The following CPNE4 variants were observed in gnomAD, a reference collection of about 807,000 sequenced individuals.
CPNE4 encodes copine 4.
CPNE4 carries 25 observed loss-of-function variants against 67.9 expected under a neutral mutation model. The ratio of observed to expected loss-of-function variants is 0.37; its 90% CI spans 0.27 to 0.51. The LOEUF (loss-of-function observed/expected upper bound fraction) is 0.51. Among genes scored for constraint, CPNE4 ranks in the 20% least tolerant of loss-of-function variants. The pLI is 0.93. For synonymous variants in CPNE4, 242 were observed against 244.9 expected (o/e 0.99, Z 0.11); for missense variants, 464 against 690.8 (o/e 0.67, Z 3.68).
At chr3:131,685,141 A>T (rs1265889863) in intron 6 of CPNE4, among the ~76,000 whole-genome samples, 2 of 152,034 alleles carry the variant, frequency 1.3e-5, no homozygotes, top group Non-Finnish European at 2.9e-5. Context: ...AAGTTACTTA[A>T]CCTCCTTAAA....
chr3:131,601,815 G>C (rs1939222877), intron 7 of CPNE4, among the ~76,000 whole-genome samples: 1 of 152,082 alleles, frequency 6.6e-6, no homozygotes, highest in African/African-American at 2.4e-5. Context: ...TTCTCTATAG[G>C]ACTCGTGCTA....
intron 1 of CPNE4, among the ~76,000 whole-genome samples, chr3:131,914,839 G>A (rs2107796251): frequency 6.6e-6 from 1 of 152,248 alleles, no homozygotes; most frequent in Admixed American, 6.5e-5. Context: ...AGCTGGGTGT[G>A]GTGGTGCATG....
chr3:131,660,991 G>A (rs1007027961), intron 7 of CPNE4, among the ~76,000 whole-genome samples: 3 of 152,188 alleles, frequency 2.0e-5, no homozygotes, highest in African/African-American at 7.2e-5. Context: ...AGATATGGAT[G>A]AGCCACAAGA....
chr3:131,887,582 C>G (rs1012839890), intron 2 of CPNE4, among the ~76,000 whole-genome samples: 3 of 152,114 alleles, frequency 2.0e-5, no homozygotes, highest in Admixed American at 1.3e-4. Context: ...TCTTCTTCTT[C>G]TCTATTATTT....
In CPNE4 at chr3:131,699,986, A is replaced by T; in HGVS notation, c.361-6T>A. On this transcript the variant is annotated splice_polypyrimidine_tract_variant and splice_region_variant and intron_variant, in intron 3 of 15. Transcript: ENST00000429747. ...AGCTTTCTCTGGGAAACAATCTGCAAAAAAGGAAACAAAAGGTAACAAAAG... is the reference window on the plus strand; with the variant it reads ...AGCTTTCTCTGGGAAACAATCTGCATAAAAGGAAACAAAAGGTAACAAAAG... 6.2e-7 allele frequency: 1 copy of T among 1,610,396 alleles called. No homozygotes were observed. Among genetic ancestry groups the T allele is most frequent in the Non-Finnish European group, 8.5e-7 (1 of 1,177,822 alleles).
intron 1 of CPNE4, among the ~76,000 whole-genome samples, chr3:131,951,643 G>A (rs557688066): frequency 6.6e-6 from 1 of 152,088 alleles, no homozygotes; most frequent in East Asian, 1.9e-4. Context: ...CTGCCATCTC[G>A]GCTCACTGCA....
intron 2 of CPNE4, among the ~76,000 whole-genome samples, chr3:131,832,075 G>A (rs2085393049): frequency 6.6e-6 from 1 of 152,068 alleles, no homozygotes; most frequent in Non-Finnish European, 1.5e-5. Context: ...ATTGTCAGGG[G>A]TTCAAAGTTC....
At position 131,615,929 on chromosome 3, in the gene CPNE4, G is replaced by GCGCA. The variant is rs1375643620; in HGVS notation, c.682-28348_682-28347insTGCG. Among the ~76,000 whole-genome samples the GCGCA allele has an allele frequency of 9.0e-5, 7 of 78,104 alleles. No individual in the cohort carries two copies. In the South Asian group the frequency reaches 2.0e-3, roughly 22 times the overall value. 51.2% of individuals were successfully genotyped at this position (78,104 alleles called of 152,430 possible). A position where few individuals can be genotyped will look rare whatever the true frequency, so the allele number is the denominator to read the frequency against. On this transcript the variant is annotated intron_variant, in intron 7 of 15. Transcript: ENST00000429747. Reference sequence around the variant, plus strand: ...CACACACACACACACACACACACACGCACACACACACACACACACACAAAA... The same window carrying GCGCA: ...CACACACACACACACACACACACACGCGCACACACACACACACACACACACAAAA...
At chr3:131,806,732 C>T (rs1194169870) in intron 2 of CPNE4, among the ~76,000 whole-genome samples, 1 of 152,136 alleles carries the variant, frequency 6.6e-6, no homozygotes, top group Non-Finnish European at 1.5e-5. Context: ...GCTATTCCCT[C>T]ATTTTCTTGC....
intron 1 of CPNE4, among the ~76,000 whole-genome samples, chr3:131,963,370 C>A (rs1302603495): frequency 6.6e-6 from 1 of 152,054 alleles, no homozygotes; most frequent in African/African-American, 2.4e-5. Flanking sequence ...CCAGTGGCAC[C>A]TGCAACCCCA....
intron 3 of CPNE4, among the ~76,000 whole-genome samples, chr3:131,712,105 T>C (rs2081572857): frequency 6.6e-6 from 1 of 151,754 alleles, no homozygotes; most frequent in Non-Finnish European, 1.5e-5. Flanking sequence ...TTAAAGTTCT[T>C]CCACATTTGT....
At chr3:131,788,198 G>A (rs1475570929) in intron 2 of CPNE4, among the ~76,000 whole-genome samples, 1 of 151,480 alleles carries the variant, frequency 6.6e-6, no homozygotes, top group Admixed American at 6.6e-5. Context: ...CAAATTTAAA[G>A]ACAAATGAGC....
At position 131,747,136 on chromosome 3, in the gene CPNE4, T is replaced by C. The variant is rs1163303813; in HGVS notation, c.181-23511A>G. 2.0e-5 allele frequency among the ~76,000 whole-genome samples: 3 copies of C among 151,076 alleles called. No homozygotes were observed. The East Asian group carries it at 5.8e-4, about 29-fold the overall frequency. On this transcript the variant is annotated intron_variant, in intron 2 of 15. Coordinates refer to ENST00000429747, the MANE Select transcript of CPNE4 (RefSeq NM_130808.3). ...AAATCATGTTTTTTTTTTTTTTCTC[T>C]TGTTGTTGAGTTGTTTGAGTTCTTT...
chr3:131,885,701 C>CCA (rs1030830450), intron 2 of CPNE4, among the ~76,000 whole-genome samples: 1 of 152,056 alleles, frequency 6.6e-6, no homozygotes, highest in African/African-American at 2.4e-5. Flanking sequence ...TCCCCCCACC[C>CCA]CACAACAGTC....
At chr3:131,949,654 T>C (rs1408321919) in intron 1 of CPNE4, among the ~76,000 whole-genome samples, 1 of 152,218 alleles carries the variant, frequency 6.6e-6, no homozygotes, top group Non-Finnish European at 1.5e-5. Flanking sequence ...TTCTACCTTA[T>C]GAAATAAGAA....
intron 4 of CPNE4, among the ~76,000 whole-genome samples, chr3:131,699,187 T>C (rs1386997448): frequency 6.6e-6 from 1 of 152,208 alleles, no homozygotes; most frequent in Non-Finnish European, 1.5e-5. Context: ...AAATGTAAGC[T>C]CTTATTTAGA....
chr3:131,955,417 T>G (rs893057382), intron 1 of CPNE4, among the ~76,000 whole-genome samples: 29 of 125,082 alleles, frequency 2.3e-4, no homozygotes, highest in Middle Eastern at 3.8e-3. Flanking sequence ...AAGGTTTTTT[T>G]TTTTTTTTTT....
chr3:131,539,951 C>G (rs1935383595), intron 15 of CPNE4, among the ~76,000 whole-genome samples: 1 of 152,206 alleles, frequency 6.6e-6, no homozygotes, highest in South Asian at 2.1e-4. Flanking sequence ...TTAGCCTGCT[C>G]TAGCTCATCC....
intron 1 of CPNE4, among the ~76,000 whole-genome samples, chr3:132,008,168 A>T (rs1397590444): frequency 1.3e-5 from 2 of 152,190 alleles, no homozygotes; most frequent in East Asian, 3.8e-4. Flanking sequence ...ATTATTTCTT[A>T]TTGAATGAGG....
Sources: gnomAD v4.1 joint callset for allele counts (sites outside exome capture counted in the v4.1 genomes callset) on GRCh38, gnomAD v4.1.1 for gene constraint, MANE v1.5 for transcripts, NCBI Gene and HGNC (gene_info 2026-07-23, HGNC 2026-07-21) for gene names.